XKR6: variants seen among roughly 807,000 people sequenced by gnomAD.
The protein encoded by XKR6 is XK-related protein 6.
Under a neutral mutation model 56.7 loss-of-function variants are expected in XKR6, and 22 were observed. That is an observed-to-expected ratio of 0.39 (90% confidence interval 0.28 to 0.55). The LOEUF (loss-of-function observed/expected upper bound fraction) is 0.55. Among genes scored for constraint, XKR6 ranks in the 20% least tolerant of loss-of-function variants. The pLI, the probability that XKR6 is intolerant of heterozygous loss-of-function variation, is 0.66. For missense variants in XKR6, 852 were observed against 889.0 expected (o/e 0.96, Z 0.53); for synonymous variants, 524 against 387.8 (o/e 1.35, Z -4.13).
At position 11,063,465 on chromosome 8, in the gene XKR6, C is replaced by T. The variant is rs541900711; in HGVS notation, c.764+137111G>A. 2.0e-5 allele frequency among the ~76,000 whole-genome samples: 3 copies of T among 150,748 alleles called. No individual in the cohort carries two copies. The South Asian group carries it at 6.3e-4, about 32-fold the overall frequency. ...CTGAGCTACGATCTCACCATCTCAC[C>T]TCTGCATTATTCCTCCCCAGCTCCC... is the stretch of plus-strand genomic sequence containing the variant. On this transcript the variant is annotated intron_variant, in intron 1 of 2. Coordinates refer to ENST00000416569, the MANE Select transcript of XKR6 (RefSeq NM_173683.4).
chr8:10,957,300 A>C (rs1477293712), intron 1 of XKR6, among the ~76,000 whole-genome samples: 1 of 152,222 alleles, frequency 6.6e-6, no homozygotes, highest in South Asian at 2.1e-4. Context: ...CAATCAGGAA[A>C]GCACAGAAAG....
intron 1 of XKR6, among the ~76,000 whole-genome samples, chr8:11,192,221 C>T (rs1349704514): frequency 6.6e-6 from 1 of 151,894 alleles, no homozygotes; most frequent in African/African-American, 2.4e-5. Context: ...TGCAGTGGCA[C>T]GATCTGGGCT....
chr8:11,144,915 G>A (rs1421015497), intron 1 of XKR6, among the ~76,000 whole-genome samples: 3 of 150,366 alleles, frequency 2.0e-5, no homozygotes, highest in African/African-American at 7.4e-5. Flanking sequence ...GAAGGGGAAG[G>A]GAAAGAAGGA....
At chr8:10,964,563 T>C (rs1178672316) in intron 1 of XKR6, among the ~76,000 whole-genome samples, 1 of 152,158 alleles carries the variant, frequency 6.6e-6, no homozygotes, top group Non-Finnish European at 1.5e-5. Context: ...ATCTCAACCT[T>C]AATGGGGCAT....
intron 1 of XKR6, among the ~76,000 whole-genome samples, chr8:10,967,242 T>C (rs988058071): frequency 6.6e-6 from 1 of 152,206 alleles, no homozygotes; most frequent in African/African-American, 2.4e-5. Flanking sequence ...CGGTTCACTA[T>C]GTAAACTAGG....
intron 1 of XKR6, among the ~76,000 whole-genome samples, chr8:11,174,452 C>G (rs1802552855): frequency 6.6e-6 from 1 of 152,228 alleles, no homozygotes; most frequent in Non-Finnish European, 1.5e-5. Context: ...GAGCCGAGCA[C>G]CGCATCGACT....
chr8:11,170,126 T>G (rs1451522575), intron 1 of XKR6, among the ~76,000 whole-genome samples: 1 of 152,214 alleles, frequency 6.6e-6, no homozygotes, highest in African/African-American at 2.4e-5. Context: ...GCTAAATTGC[T>G]GCCCTTTGCA....
chr8:11,117,960 G>A (rs968849489), intron 1 of XKR6, among the ~76,000 whole-genome samples: 4 of 152,084 alleles, frequency 2.6e-5, no homozygotes, highest in Non-Finnish European at 4.4e-5. Context: ...AGGGAATACC[G>A]AGAGTGTGGG....
In XKR6 at chr8:11,200,636, C is replaced by T; in HGVS notation, c.704G>A (p.Arg235His). ...SPTPGAQRLC[R>H]LSVWIWQSVI... is the part of the protein sequence containing the mutation. ...CGACTGCCAGATCCACACGGAGAGG[C>T]GACACAGGCGCTGCGCCCCCGGCGT... Residue 235 changes from arginine (R) to histidine (H), a missense_variant, in exon 1 of 3, where the codon CGC becomes CAC. Transcript: ENST00000416569. This position sits in a 1 kb window ranked among gnomAD's most constrained non-coding sequence, Gnocchi z 6.4. 6.4e-7 allele frequency: 1 copy of T among 1,551,448 alleles called. No individual in the cohort carries two copies. The highest frequency in any genetic ancestry group is 8.6e-7 in the Non-Finnish European group (1 of 1,159,440).
At chr8:11,195,429 A>G (rs1803824219) in intron 1 of XKR6, among the ~76,000 whole-genome samples, 1 of 152,090 alleles carries the variant, frequency 6.6e-6, no homozygotes, top group Non-Finnish European at 1.5e-5. Flanking sequence ...CTAAATTCTC[A>G]CTAACATATC....
At chr8:11,150,988 A>G (rs1355765598) in intron 1 of XKR6, among the ~76,000 whole-genome samples, 3 of 151,584 alleles carry the variant, frequency 2.0e-5, no homozygotes, top group Non-Finnish European at 2.9e-5. Flanking sequence ...ATTTTGTGCT[A>G]TCTTTCCTTA....
chr8:11,085,325 C>T (rs1199490463), intron 1 of XKR6, among the ~76,000 whole-genome samples: 8 of 152,206 alleles, frequency 5.3e-5, no homozygotes, highest in Non-Finnish European at 1.5e-5. Context: ...GGAGTGCCTG[C>T]TCTGGTTGCC....
At chr8:11,147,348 C>T (rs1801035139) in intron 1 of XKR6, among the ~76,000 whole-genome samples, 1 of 152,092 alleles carries the variant, frequency 6.6e-6, no homozygotes, top group Admixed American at 6.5e-5. Context: ...CATGAAATCT[C>T]AACGGACACT....
intron 1 of XKR6, among the ~76,000 whole-genome samples, chr8:11,129,736 T>C (rs1444069046): frequency 6.6e-6 from 1 of 152,234 alleles, no homozygotes; most frequent in East Asian, 1.9e-4. Flanking sequence ...TCTAATTTTT[T>C]AAATCGATGT....
In XKR6 at chr8:11,146,190, TA is replaced by T. The variant is rs572954918; in HGVS notation, c.764+54385del. Among the ~76,000 whole-genome samples, 1,042 of 152,334 alleles carry T rather than the reference TA, an allele frequency of 6.8e-3. 13 individuals carry two copies. The highest frequency in any genetic ancestry group is 0.023 in the African/African-American group (971 of 41,576). ...ACTCTGATCCACACTTCATACCATA[TA>T]CAAAAAGTAATGTAAAATGGATCAC... On this transcript the variant is annotated intron_variant, in intron 1 of 2. Transcript: ENST00000416569.
intron 1 of XKR6, among the ~76,000 whole-genome samples, chr8:11,005,847 T>A (rs1467557333): frequency 6.8e-6 from 1 of 146,794 alleles, no homozygotes; most frequent in Non-Finnish European, 1.5e-5. Flanking sequence ...TCTTTCTTTT[T>A]TTTTTTTTTT....
intron 1 of XKR6, among the ~76,000 whole-genome samples, chr8:11,102,511 C>A (rs1482998561): frequency 6.6e-6 from 1 of 152,140 alleles, no homozygotes; most frequent in African/African-American, 2.4e-5. Context: ...AAGGTGGGGA[C>A]AGACAGGAAG....
chr8:10,908,478 C>G (rs1043513805), intron 2 of XKR6, among the ~76,000 whole-genome samples: 1 of 152,080 alleles, frequency 6.6e-6, no homozygotes, highest in African/African-American at 2.4e-5. Flanking sequence ...TCTAATCTGT[C>G]AAGTCCCCTT....
At chr8:11,056,397 G>A (rs926561043) in intron 1 of XKR6, among the ~76,000 whole-genome samples, 9 of 152,164 alleles carry the variant, frequency 5.9e-5, no homozygotes, top group African/African-American at 9.7e-5. Flanking sequence ...CGCCGGCAGC[G>A]CACAGGCTCT....
Sources: gnomAD v4.1 joint callset for allele counts (sites outside exome capture counted in the v4.1 genomes callset) on GRCh38, gnomAD v4.1.1 for gene constraint, Gnocchi (gnomAD v3.1) non-coding constraint, MANE v1.5 for transcripts, NCBI Gene and HGNC (gene_info 2026-07-23, HGNC 2026-07-21) for gene names.